Variants in RAPGEF4 observed in about 807,000 individuals in gnomAD.
RAPGEF4 encodes the protein RAP guanine-nucleotide-exchange factor (GEF) 4.
A neutral mutation model predicts 147.9 loss-of-function variants in RAPGEF4; 66 were observed. That is an observed-to-expected ratio of 0.45 (90% CI 0.37 to 0.55). RAPGEF4 has a LOEUF of 0.55. Ranked by LOEUF, RAPGEF4 falls within the 20% of genes least tolerant of loss-of-function variation. The pLI is 0.00. For missense variants in RAPGEF4, 1,071 were observed against 1,257.3 expected, an observed-to-expected ratio of 0.85 and a Z score of 2.24; for synonymous variants, 419 against 442.7, an observed-to-expected ratio of 0.95 and a Z score of 0.67.
At chr2:172,946,396 C>T (rs942861297) in intron 6 of RAPGEF4, among the ~76,000 whole-genome samples, 1 of 152,160 alleles carries the variant, frequency 6.6e-6, no homozygotes, top group African/African-American at 2.4e-5. Flanking sequence ...AGGTAGAAAC[C>T]TATACCTGAG....
chr2:172,821,449 C>A, intron 4 of RAPGEF4: 1 of 491,258 alleles, frequency 2.0e-6, no homozygotes, highest in Non-Finnish European at 2.6e-6. Flanking sequence ...GGTTACTTCT[C>A]AGGCCAGAAA....
intron 10 of RAPGEF4, among the ~76,000 whole-genome samples, chr2:172,967,961 A>G (rs1331850404): frequency 2.6e-5 from 4 of 152,128 alleles, no homozygotes; most frequent in African/African-American, 9.7e-5. Flanking sequence ...CAAGGCCCCC[A>G]TTGAGCCACT....
intron 1 of RAPGEF4, among the ~76,000 whole-genome samples, chr2:172,741,301 A>G (rs973405253): frequency 2.6e-5 from 4 of 152,140 alleles, no homozygotes; most frequent in African/African-American, 9.7e-5. Context: ...CCTATATTTT[A>G]TTCATCATTT....
intron 1 of RAPGEF4, among the ~76,000 whole-genome samples, chr2:172,754,108 A>G (rs1260152347): frequency 6.6e-6 from 1 of 152,210 alleles, no homozygotes; most frequent in Non-Finnish European, 1.5e-5. Context: ...AAACTCTATC[A>G]CCAGGAATAA....
At position 172,780,269 on chromosome 2, in the gene RAPGEF4, C is replaced by G. The variant is rs538232537; in HGVS notation, c.66-14756C>G. On this transcript the variant is annotated intron_variant, in intron 1 of 30. Transcript: ENST00000397081. The stretch of plus-strand genomic sequence containing the variant: ...CAGGTGGCTTAGAACTCCAGGCTCA[C>G]TATAGCATCTTTAACAAAGAAGAAT... Among the ~76,000 whole-genome samples, 29 of 152,302 alleles carry G rather than the reference C, an allele frequency of 1.9e-4. No homozygotes were observed. The South Asian group carries it at 6.0e-3, about 32-fold the overall frequency.
intron 17 of RAPGEF4, among the ~76,000 whole-genome samples, chr2:173,011,249 A>G (rs1695000871): frequency 6.6e-6 from 1 of 151,782 alleles, no homozygotes; most frequent in Non-Finnish European, 1.5e-5. Context: ...TTCCAGATGC[A>G]TTTATTCTTA....
intron 12 of RAPGEF4, among the ~76,000 whole-genome samples, chr2:172,986,852 C>G (rs868594199): frequency 6.6e-6 from 1 of 152,188 alleles, no homozygotes; most frequent in Non-Finnish European, 1.5e-5. Flanking sequence ...TGCCACCACG[C>G]CCAGCTAATT....
chr2:173,037,298 A>C (rs1361632613), intron 29 of RAPGEF4, among the ~76,000 whole-genome samples: 1 of 152,020 alleles, frequency 6.6e-6, no homozygotes, highest in Non-Finnish European at 1.5e-5. Flanking sequence ...TAGCCTCACT[A>C]TAGCCTCAAA....
At chr2:172,773,133 A>G (rs1005589905) in intron 1 of RAPGEF4, among the ~76,000 whole-genome samples, 2 of 152,168 alleles carry the variant, frequency 1.3e-5, no homozygotes, top group Non-Finnish European at 1.5e-5. Flanking sequence ...TCCTTCTTAC[A>G]CAAGTTCATA....
rs201001971 is a variant in RAPGEF4, at chr2:173,018,747, C to T, written c.2100C>T (p.Ala700=). Residue 700 remains alanine, a synonymous_variant, in exon 22 of 31, where the codon GCC becomes GCT. Transcript: ENST00000397081. ...TSVKEVISAV[A]DKLGSGEGLI... ...TGAAGGAAGTCATCAGTGCAGTTGC[C>T]GACAAGCTGGGCTCCGGGGAGGGCC... is the stretch of plus-strand genomic sequence containing the variant. The T allele has an allele frequency of 1.4e-4, 225 of 1,614,050 alleles. No individual in the cohort carries two copies. Among genetic ancestry groups the T allele is most frequent in the African/African-American group, 4.1e-4 (31 of 75,000 alleles).
At chr2:172,783,657 G>A (rs1684901021) in intron 1 of RAPGEF4, among the ~76,000 whole-genome samples, 2 of 152,108 alleles carry the variant, frequency 1.3e-5, no homozygotes, top group Admixed American at 1.3e-4. Context: ...GAGAACTTGG[G>A]CAGTTGATTG....
chr2:172,917,194 G>C (rs570637616), intron 4 of RAPGEF4, among the ~76,000 whole-genome samples: 3 of 152,338 alleles, frequency 2.0e-5, no homozygotes, highest in South Asian at 4.1e-4. Flanking sequence ...AAGTCAGGCA[G>C]TTACAATTCA....
chr2:173,041,039 A>G (rs927894284), intron 29 of RAPGEF4, among the ~76,000 whole-genome samples: 1 of 152,104 alleles, frequency 6.6e-6, no homozygotes, highest in Non-Finnish European at 1.5e-5. Context: ...TATGATTTTT[A>G]AGGTAGTCAT....
chr2:173,018,763 G>C lies in RAPGEF4; in HGVS notation c.2116G>C (p.Gly706Arg), dbSNP rs61741755. ...TGCAGTTGCCGACAAGCTGGGCTCC[G>C]GGGAGGGCCTGATCATAGTCAAGAT... Reference protein sequence around the residue: ...ISAVADKLGSGEGLIIVKMSS... With the variant: ...ISAVADKLGSREGLIIVKMSS... Residue 706 changes from glycine to arginine, a missense_variant, in exon 22 of 31, where the codon GGG (glycine) becomes CGG (arginine). Gly to Arg is a moderately radical substitution (Grantham distance 125). Transcript: ENST00000397081. 6.2e-7 allele frequency: 1 copy of C among 1,613,986 alleles called. No homozygotes were observed. The highest frequency in any genetic ancestry group is 1.6e-4 in the Middle Eastern group (1 of 6,062).
intron 4 of RAPGEF4, among the ~76,000 whole-genome samples, chr2:172,830,390 A>G (rs1318329109): frequency 6.6e-6 from 1 of 152,212 alleles, no homozygotes; most frequent in African/African-American, 2.4e-5. Context: ...TAAATAGCTG[A>G]CATCATTTGG....
intron 6 of RAPGEF4, among the ~76,000 whole-genome samples, chr2:172,929,790 C>T (rs994566772): frequency 2.6e-5 from 4 of 152,160 alleles, no homozygotes; most frequent in African/African-American, 9.7e-5. Flanking sequence ...ATTGTGGGTG[C>T]TCATGTCATC....
At chr2:172,803,494 A>G (rs72906101) in intron 3 of RAPGEF4, among the ~76,000 whole-genome samples, 2,260 of 152,170 alleles carry the variant, frequency 0.015, 19 homozygotes, top group South Asian at 0.03. Context: ...TAGCACCAGT[A>G]CCCTGGGCTT....
At chr2:172,994,781 C>T (rs1254571697) in intron 15 of RAPGEF4, among the ~76,000 whole-genome samples, 1 of 152,170 alleles carries the variant, frequency 6.6e-6, no homozygotes, top group Non-Finnish European at 1.5e-5. Flanking sequence ...TATGCATTGC[C>T]CACAAGAGGA....
At chr2:172,804,995 G>T (rs942407570) in intron 3 of RAPGEF4, among the ~76,000 whole-genome samples, 20 of 152,184 alleles carry the variant, frequency 1.3e-4, no homozygotes, top group African/African-American at 4.8e-4. Flanking sequence ...GGCGTGAGTT[G>T]CAGGCTGACT....
Sources: allele counts gnomAD v4.1 joint callset (sites outside exome capture counted in the v4.1 genomes callset), GRCh38; gene constraint gnomAD v4.1.1; transcripts MANE v1.5; gene names NCBI Gene and HGNC (gene_info 2026-07-23, HGNC 2026-07-21).